ARPP21: variants seen among roughly 807,000 people sequenced by gnomAD.
ARPP21 encodes the protein cAMP-regulated phosphoprotein 21.
A neutral mutation model predicts 113.2 loss-of-function variants in ARPP21; 69 were observed. The observed-to-expected ratio is 0.61, with a 90% CI of 0.50 to 0.74. ARPP21 has a LOEUF of 0.74. ARPP21 is among the 30% of genes least tolerant of loss of function. ARPP21 has a pLI of 0.00. For missense variants in ARPP21, 1,070 were observed against 1,037.4 expected (o/e 1.03, Z -0.43); for synonymous variants, 368 against 375.5 (o/e 0.98, Z 0.23).
chr3:35,789,966 G>A (rs773330393), intron 19 of ARPP21, among the ~76,000 whole-genome samples: 10 of 152,270 alleles, frequency 6.6e-5, no homozygotes, highest in Non-Finnish European at 1.0e-4. Context: ...GTGAAAGGAT[G>A]GAAGGATTCA....
At chr3:35,710,561 A>G (rs1350553733) in intron 11 of ARPP21, among the ~76,000 whole-genome samples, 2 of 151,504 alleles carry the variant, frequency 1.3e-5, no homozygotes, top group African/African-American at 4.9e-5. Flanking sequence ...ACACACACAC[A>G]CACACACACA....
At chr3:35,747,179 C>T (rs1486702442) in intron 19 of ARPP21, among the ~76,000 whole-genome samples, 1 of 151,794 alleles carries the variant, frequency 6.6e-6, no homozygotes, top group Non-Finnish European at 1.5e-5. Context: ...GGTGAAACCC[C>T]GTCTCTACTA....
intron 19 of ARPP21, 28 bp from the exon 20 acceptor site, chr3:35,792,354 C>G: frequency 6.2e-7 from 1 of 1,610,780 alleles, no homozygotes; most frequent in Non-Finnish European, 8.5e-7. Flanking sequence ...TCTGCACAAC[C>G]AGTTCAAAAG....
chr3:35,772,320 T>C (rs1044498028), intron 19 of ARPP21, among the ~76,000 whole-genome samples: 6 of 152,194 alleles, frequency 3.9e-5, no homozygotes, highest in African/African-American at 7.2e-5. Flanking sequence ...AATAAAACAG[T>C]TCTGTTTGAA....
At chr3:35,779,640 C>G (rs1467878100) in intron 19 of ARPP21, among the ~76,000 whole-genome samples, 1 of 151,738 alleles carries the variant, frequency 6.6e-6, no homozygotes, top group Non-Finnish European at 1.5e-5. Context: ...AATACCACCT[C>G]AAGGAGGAGT....
At chr3:35,711,477 G>T (rs1177888049) in intron 11 of ARPP21, among the ~76,000 whole-genome samples, 1 of 152,052 alleles carries the variant, frequency 6.6e-6, no homozygotes, top group African/African-American at 2.4e-5. Flanking sequence ...CATACCACTG[G>T]TATTTTCTAT....
chr3:35,675,770 T>C (rs888905904), intron 1 of ARPP21, among the ~76,000 whole-genome samples: 1 of 150,890 alleles, frequency 6.6e-6, no homozygotes, highest in Admixed American at 6.6e-5. Flanking sequence ...TAAATAGCAA[T>C]GTATGTCACC....
chr3:35,722,672 G>A (rs2093204704), intron 14 of ARPP21, among the ~76,000 whole-genome samples: 2 of 152,122 alleles, frequency 1.3e-5, no homozygotes, highest in Non-Finnish European at 2.9e-5. Context: ...GGTAGTTCAA[G>A]TTTGCATGAA....
chr3:35,680,247 C>T (rs529233014), intron 2 of ARPP21, among the ~76,000 whole-genome samples: 1 of 151,984 alleles, frequency 6.6e-6, no homozygotes, highest in African/African-American at 2.4e-5. Flanking sequence ...GAAAATGGAA[C>T]TTTTTATTTT....
chr3:35,734,744 C>T (rs1256928524), intron 15 of ARPP21, among the ~76,000 whole-genome samples: 1 of 152,140 alleles, frequency 6.6e-6, no homozygotes, highest in African/African-American at 2.4e-5. Context: ...TGTTGTTTGG[C>T]CTTACTACAA....
chr3:35,723,912 A>T (rs2093330279), intron 14 of ARPP21, among the ~76,000 whole-genome samples: 1 of 152,232 alleles, frequency 6.6e-6, no homozygotes, highest in South Asian at 2.1e-4. Context: ...ACAAACTTAC[A>T]GTTTCCCAAG....
intron 19 of ARPP21, among the ~76,000 whole-genome samples, chr3:35,791,728 C>A (rs911814210): frequency 1.1e-4 from 16 of 151,920 alleles, no homozygotes; most frequent in South Asian, 2.1e-4. Flanking sequence ...AATACTTGGT[C>A]ACATATTGGA....
chr3:35,682,221 T>C (rs2079117402), intron 3 of ARPP21, among the ~76,000 whole-genome samples: 1 of 151,868 alleles, frequency 6.6e-6, no homozygotes, highest in Non-Finnish European at 1.5e-5. Context: ...TTTGCTATTC[T>C]GTGGAAAGAT....
rs79866391 is a variant in ARPP21, at chr3:35,673,373, A to G, written c.-212-6414A>G. Among the ~76,000 whole-genome samples the G allele has an allele frequency of 1.9e-3, 287 of 152,040 alleles. 8 individuals are homozygous for G. The East Asian group carries it at 0.052, about 28-fold the overall frequency. On this transcript the variant is annotated intron_variant, in intron 1 of 20. Coordinates refer to ENST00000684406, the MANE Select transcript of ARPP21 (RefSeq NM_001385562.1). ...CCCCCTTTCATTCTTTTGCGCCCCT[A>G]GAAAGAAAATCCTTTCATTCGTTTT...
chr3:35,726,923 G>A (rs2093578779), intron 14 of ARPP21, among the ~76,000 whole-genome samples: 1 of 152,200 alleles, frequency 6.6e-6, no homozygotes, highest in Non-Finnish European at 1.5e-5. Context: ...AGTGTCAAAT[G>A]TGTAACGTAG....
intron 19 of ARPP21, among the ~76,000 whole-genome samples, chr3:35,780,016 T>A (rs1040500899): frequency 6.6e-6 from 1 of 152,212 alleles, no homozygotes; most frequent in Non-Finnish European, 1.5e-5. Flanking sequence ...TTACTGTCTG[T>A]CCAGATTTTT....
chr3:35,770,967 A>G (rs2096179327), intron 19 of ARPP21, among the ~76,000 whole-genome samples: 1 of 152,194 alleles, frequency 6.6e-6, no homozygotes, highest in African/African-American at 2.4e-5. Flanking sequence ...TTGGGTAAAC[A>G]TTAAGGTCAT....
chr3:35,709,857 G>A (rs1317008770), intron 11 of ARPP21, among the ~76,000 whole-genome samples: 1 of 152,270 alleles, frequency 6.6e-6, no homozygotes, highest in Middle Eastern at 3.4e-3. Context: ...GTAAGACTCC[G>A]TGGCCAACAT....
At chr3:35,703,579 C>T (rs1480673623) in intron 9 of ARPP21, among the ~76,000 whole-genome samples, 1 of 151,486 alleles carries the variant, frequency 6.6e-6, no homozygotes, top group Non-Finnish European at 1.5e-5. Context: ...ATTTATTTTC[C>T]ATGCTTTTTT....
Sources: gnomAD v4.1 joint callset for allele counts (sites outside exome capture counted in the v4.1 genomes callset) on GRCh38, gnomAD v4.1.1 for gene constraint, MANE v1.5 for transcripts, NCBI Gene and HGNC (gene_info 2026-07-23, HGNC 2026-07-21) for gene names.